The following SGCZ variants were observed in gnomAD, a reference collection of about 807,000 sequenced individuals.
SGCZ encodes the protein sarcoglycan zeta, also known as zeta-sarcoglycan.
A neutral mutation model predicts 41.3 loss-of-function variants in SGCZ; 40 were observed. That is an observed-to-expected ratio of 0.97 (90% CI 0.75 to 1.26). The LOEUF (loss-of-function observed/expected upper bound fraction) is 1.26, where lower values mean the gene tolerates loss of function less well. SGCZ is among the 50% of genes most tolerant of loss of function. The pLI is 0.00. For missense variants in SGCZ, 552 were observed against 369.8 expected (o/e 1.49, Z -4.04); for synonymous variants, 206 against 137.5 (o/e 1.50, Z -3.49).
intron 1 of SGCZ, among the ~76,000 whole-genome samples, chr8:14,747,457 G>A (rs1799368020): frequency 6.6e-6 from 1 of 152,058 alleles, no homozygotes. Flanking sequence ...ACCATACACA[G>A]AATTCTAACA....
At chr8:15,138,937 G>A (rs1006275230) in intron 1 of SGCZ, among the ~76,000 whole-genome samples, 10 of 152,110 alleles carry the variant, frequency 6.6e-5, no homozygotes, top group African/African-American at 1.7e-4. Context: ...AAATGCCAAC[G>A]AGAAAAATCA....
intron 2 of SGCZ, among the ~76,000 whole-genome samples, chr8:14,427,396 G>A (rs1325417427): frequency 6.6e-6 from 1 of 151,934 alleles, no homozygotes; most frequent in Non-Finnish European, 1.5e-5. Context: ...AAGCGTGAAG[G>A]CATTTTGTTT....
chr8:14,121,334 T>A (rs1420142257), intron 5 of SGCZ, among the ~76,000 whole-genome samples: 1 of 152,108 alleles, frequency 6.6e-6, no homozygotes, highest in Non-Finnish European at 1.5e-5. Context: ...ACTACTATTC[T>A]CCACTTTAGG....
chr8:14,264,684 G>C (rs1460433844), intron 3 of SGCZ, among the ~76,000 whole-genome samples: 3 of 152,138 alleles, frequency 2.0e-5, no homozygotes, highest in Non-Finnish European at 4.4e-5. Flanking sequence ...GATGGTTGCC[G>C]GGAGCGGAGT....
intron 1 of SGCZ, among the ~76,000 whole-genome samples, chr8:15,066,031 G>A (rs575025884): frequency 2.0e-5 from 3 of 151,948 alleles, no homozygotes; most frequent in East Asian, 2.0e-4. Flanking sequence ...ACCTTGGGCC[G>A]GGCGCGGTGG....
intron 2 of SGCZ, among the ~76,000 whole-genome samples, chr8:14,463,685 T>C (rs1250644546): frequency 6.6e-6 from 1 of 151,766 alleles, no homozygotes; most frequent in Non-Finnish European, 1.5e-5. Context: ...CAAAAGGCAC[T>C]ATCAGGTCTT....
intron 1 of SGCZ, among the ~76,000 whole-genome samples, chr8:14,908,127 AT>A (rs533009167): frequency 1.1e-4 from 17 of 152,308 alleles, no homozygotes; most frequent in East Asian, 5.8e-4. Context: ...AAGGTAGTTA[AT>A]AGAACCTTTT....
rs566176828 is a variant in SGCZ, at chr8:14,099,001, T to G, written c.744+3375A>C. ...CTTAAAATTCCATAAGTTTCTGAGA[T>G]CCAAACCATAGCTCCACCCATATAA... On this transcript the variant is annotated intron_variant, in intron 7 of 7. Transcript: ENST00000382080. 7.4e-4 allele frequency among the ~76,000 whole-genome samples: 113 copies of G among 152,252 alleles called. 1 individual carries two copies. Among genetic ancestry groups the G allele is most frequent in the Admixed American group, 3.1e-3 (48 of 15,286 alleles).
At chr8:14,597,259 A>G (rs963888305) in intron 1 of SGCZ, among the ~76,000 whole-genome samples, 2 of 152,198 alleles carry the variant, frequency 1.3e-5, no homozygotes, top group Non-Finnish European at 2.9e-5. Flanking sequence ...GTCTTAAAGG[A>G]AACTTTGGTG....
intron 1 of SGCZ, among the ~76,000 whole-genome samples, chr8:15,007,259 T>C (rs1215804610): frequency 6.6e-6 from 1 of 152,220 alleles, no homozygotes; most frequent in Non-Finnish European, 1.5e-5. Flanking sequence ...TTTCACCACC[T>C]TACTATGACA....
chr8:15,149,523 G>C (rs1799121349), intron 1 of SGCZ, among the ~76,000 whole-genome samples: 1 of 152,084 alleles, frequency 6.6e-6, no homozygotes, highest in South Asian at 2.1e-4. Context: ...GGCTCTGACA[G>C]ACAACTTGAT....
intron 2 of SGCZ, among the ~76,000 whole-genome samples, chr8:14,531,034 C>T (rs1411678650): frequency 2.0e-5 from 3 of 152,006 alleles, no homozygotes; most frequent in African/African-American, 7.2e-5. Flanking sequence ...GAAGTCTGAA[C>T]ACCAAACTAC....
chr8:14,337,011 A>G (rs189510840), intron 2 of SGCZ, among the ~76,000 whole-genome samples: 2 of 152,228 alleles, frequency 1.3e-5, no homozygotes, highest in Admixed American at 1.3e-4. Flanking sequence ...CCATATGGCC[A>G]TTAAAGGAAG....
intron 3 of SGCZ, among the ~76,000 whole-genome samples, chr8:14,295,133 T>G (rs940146212): frequency 6.6e-6 from 1 of 152,208 alleles, no homozygotes; most frequent in African/African-American, 2.4e-5. Flanking sequence ...AGCTTTTCTG[T>G]AAATGTTTAT....
chr8:14,943,704 T>C (rs1448194838), intron 1 of SGCZ, among the ~76,000 whole-genome samples: 1 of 152,134 alleles, frequency 6.6e-6, no homozygotes, highest in Admixed American at 6.6e-5. Context: ...ACTCAATACG[T>C]AGTTTTTTAA....
At chr8:14,177,594 C>T (rs1804581171) in intron 4 of SGCZ, among the ~76,000 whole-genome samples, 1 of 152,064 alleles carries the variant, frequency 6.6e-6, no homozygotes, top group Non-Finnish European at 1.5e-5. Flanking sequence ...ACTGCAAGCT[C>T]CGCCTCCCGG....
chr8:14,669,693 TACAC>T (rs35602830), intron 1 of SGCZ, among the ~76,000 whole-genome samples: 12,856 of 147,040 alleles, frequency 0.087, 724 homozygotes, highest in African/African-American at 0.17. Context: ...ATTTTGTGTA[TACAC>T]ACACACACAC....
intron 1 of SGCZ, among the ~76,000 whole-genome samples, chr8:14,865,652 AG>A (rs1401221455): frequency 6.6e-6 from 1 of 152,140 alleles, no homozygotes; most frequent in Non-Finnish European, 1.5e-5. Context: ...CAATTACATA[AG>A]GGGCCAGGCC....
intron 2 of SGCZ, among the ~76,000 whole-genome samples, chr8:14,475,902 C>A (rs899543973): frequency 6.6e-6 from 1 of 151,958 alleles, no homozygotes; most frequent in South Asian, 2.1e-4. Flanking sequence ...GTGGTGTCAT[C>A]ACAGCTCACT....
Sources: gnomAD v4.1 joint callset for allele counts (sites outside exome capture counted in the v4.1 genomes callset) on GRCh38, gnomAD v4.1.1 for gene constraint, MANE v1.5 for transcripts, NCBI Gene and HGNC (gene_info 2026-07-23, HGNC 2026-07-21) for gene names.